The following SOD3 variants were observed in gnomAD, a reference collection of about 807,000 sequenced individuals.
SOD3 encodes the protein superoxide dismutase 3.
SOD3 carries 3 observed loss-of-function variants against 2.6 expected under a neutral mutation model. The observed-to-expected ratio is 1.13, with a 90% CI of 0.52 to 2.93. The LOEUF is 2.93. SOD3 is among the 30% of genes most tolerant of loss of function. The probability of loss-of-function intolerance (pLI) is 0.04; values close to 1 mark genes in which losing one functional copy is unlikely to be tolerated. For synonymous variants in SOD3, 188 were observed against 177.5 expected, an observed-to-expected ratio of 1.06 and a Z score of -0.47; for missense variants, 379 against 370.4, an observed-to-expected ratio of 1.02 and a Z score of -0.19.
chr4:24,796,409 C>T (rs1713659534), intron 1 of SOD3, among the ~76,000 whole-genome samples: 1 of 140,842 alleles, frequency 7.1e-6, no homozygotes, highest in East Asian at 2.1e-4. Flanking sequence ...TTCTTTCCCC[C>T]TTTTCCTCCT....
At chr4:24,798,953 G>A (rs890456591) in intron 1 of SOD3, among the ~76,000 whole-genome samples, 2 of 152,178 alleles carry the variant, frequency 1.3e-5, no homozygotes, top group Admixed American at 1.3e-4. Flanking sequence ...TGCCAGGTGT[G>A]GGCCCAGGTG....
rs143995335 is a variant in SOD3 at position 24,795,963 on chromosome 4, C to T, written c.-17+312C>T. On this transcript the variant is annotated intron_variant, in intron 1 of 1. Transcript: ENST00000382120. ...TCTAGATGTTGCATGGCTTTGGTGT[C>T]GGGAGCCACTTATGGGACAGCAGGT... is the stretch of plus-strand genomic sequence containing the variant. 2.4e-3 allele frequency among the ~76,000 whole-genome samples: 361 copies of T among 152,152 alleles called. 4 individuals are homozygous for T. The highest frequency in any genetic ancestry group is 8.4e-3 in the African/African-American group (349 of 41,522).
In SOD3 at chr4:24,800,396, C is replaced by T. The variant is rs1399450095; in HGVS notation, c.*152C>T. 5.2e-6 allele frequency: 4 copies of T among 771,362 alleles called. No individual in the cohort carries two copies. The highest frequency in any genetic ancestry group is 7.3e-6 in the Non-Finnish European group (4 of 548,004). 47.8% of individuals were successfully genotyped at this position (771,362 alleles called of 1,614,324 possible). ...CAGCCCTCTCCACCCAGAGGTCTCC[C>T]TATACCGAGACCCACCATCCTTCCA... On this transcript the variant is annotated 3_prime_UTR_variant, in exon 2 of 2. Transcript: ENST00000382120.
At chr4:24,797,875 C>T (rs147097404) in intron 1 of SOD3, among the ~76,000 whole-genome samples, 3 of 152,288 alleles carry the variant, frequency 2.0e-5, no homozygotes, top group Non-Finnish European at 4.4e-5. Flanking sequence ...GGAAATACCT[C>T]GGTGGCATGG....
At position 24,800,103 on chromosome 4, in the gene SOD3, C is replaced by A; in HGVS notation, c.582C>A (p.Ala194=). Residue 194 remains alanine (A), a synonymous_variant, in exon 2 of 2, where the codon GCC becomes GCA. Transcript: ENST00000382120. The part of the protein sequence containing the change: ...EDDLGRGGNQ[A]SVENGNAGRR... ...ACCTGGGCCGCGGCGGCAACCAGGC[C>A]AGCGTGGAGAACGGGAACGCGGGCC... The A allele has an allele frequency of 7.2e-7, 1 of 1,389,548 alleles. No individual in the cohort carries two copies. The highest frequency in any genetic ancestry group is 3.0e-5 in the East Asian group (1 of 32,888). The allele number at this position is 1,389,548 out of a possible 1,614,324, so 86.1% of individuals were successfully genotyped here. A position where few individuals can be genotyped will look rare whatever the true frequency, so the allele number is the denominator to read the frequency against.
chr4:24,796,718 G>C (rs925284713), intron 1 of SOD3, among the ~76,000 whole-genome samples: 4 of 151,166 alleles, frequency 2.6e-5, no homozygotes, highest in African/African-American at 9.7e-5. Flanking sequence ...CCTCCCAAAG[G>C]GGTGGGATTA....
At position 24,799,992 on chromosome 4, in the gene SOD3, G is replaced by A; in HGVS notation, c.471G>A (p.Trp157Ter). ...GNFAVRDGSLWRYRAGLAASL... is the reference protein window; with the variant it reads ...GNFAVRDGSL ...TCGCGGTCCGCGACGGCAGCCTCTG[G>A]AGGTACCGCGCCGGCCTGGCCGCCT... Residue 157 changes from tryptophan (W) to a stop codon, truncating the protein, a stop_gained, in exon 2 of 2, where the codon TGG (tryptophan) becomes TGA (stop). Transcript: ENST00000382120. LOFTEE classifies it high-confidence loss of function. 6.3e-7 allele frequency: 1 copy of A among 1,576,168 alleles called. No homozygotes were observed. Among genetic ancestry groups the A allele is most frequent in the Non-Finnish European group, 8.5e-7 (1 of 1,169,804 alleles).
At chr4:24,797,303 T>C (rs1163254293) in intron 1 of SOD3, among the ~76,000 whole-genome samples, 2 of 152,230 alleles carry the variant, frequency 1.3e-5, no homozygotes, top group East Asian at 3.8e-4. Flanking sequence ...ACACACACTT[T>C]CAAATCCTGC....
At position 24,800,266 on chromosome 4, in the gene SOD3, G is replaced by C; in HGVS notation, c.*22G>C. 7.3e-7 allele frequency: 1 copy of C among 1,378,236 alleles called. No individual in the cohort carries two copies. Among genetic ancestry groups the C allele is most frequent in the African/African-American group, 1.5e-5 (1 of 65,170 alleles). The allele number at this position is 1,378,236 out of a possible 1,614,324, so 85.4% of individuals were successfully genotyped here. A position where few individuals can be genotyped will look rare whatever the true frequency, so the allele number is the denominator to read the frequency against. On this transcript the variant is annotated 3_prime_UTR_variant, in exon 2 of 2. Coordinates refer to ENST00000382120, the MANE Select transcript of SOD3 (RefSeq NM_003102.4). ...CTGAGCGCGGCCCCCACCCGGCGGCGGCCAGGGACCCCCGAGGCCCCCCTC... is the reference window on the plus strand; with the variant it reads ...CTGAGCGCGGCCCCCACCCGGCGGCCGCCAGGGACCCCCGAGGCCCCCCTC...
intron 1 of SOD3, among the ~76,000 whole-genome samples, chr4:24,799,078 G>A (rs1297321661): frequency 6.6e-6 from 1 of 152,206 alleles, no homozygotes; most frequent in Non-Finnish European, 1.5e-5. Context: ...CACATGCAAA[G>A]CCCCAGAAGG....
At chr4:24,796,435 C>CTTT (rs34368349) in intron 1 of SOD3, among the ~76,000 whole-genome samples, 2,663 of 71,974 alleles carry the variant, frequency 0.037, 755 homozygotes, top group South Asian at 0.093. Flanking sequence ...TCCTTCTTCT[C>CTTT]TTTTTTTTTT....
At chr4:24,799,484 C>T (rs200878920) in intron 1 of SOD3, 22 bp from the exon 2 acceptor site, 5 of 1,592,138 alleles carry the variant, frequency 3.1e-6, no homozygotes, top group Non-Finnish European at 3.4e-6. Context: ...TCTGCCCCCA[C>T]CTCCGCGGGG....
At chr4:24,798,540 C>A (rs1713740005) in intron 1 of SOD3, among the ~76,000 whole-genome samples, 1 of 152,084 alleles carries the variant, frequency 6.6e-6, no homozygotes, top group South Asian at 2.1e-4. Context: ...CTCACTGTCT[C>A]TATTTCTGCT....
chr4:24,796,262 T>TA (rs11369906), intron 1 of SOD3, among the ~76,000 whole-genome samples: 2,061 of 152,036 alleles, frequency 0.014, 48 homozygotes, highest in African/African-American at 0.044. Context: ...AGGAGGCCCT[T>TA]AAAAAGGCAC....
At position 24,799,684 on chromosome 4, in the gene SOD3, G is replaced by C. The variant is rs757524925; in HGVS notation, c.163G>C (p.Asp55His). 2 of 1,588,850 alleles carry C rather than the reference G, an allele frequency of 1.3e-6. No individual in the cohort carries two copies. Among genetic ancestry groups the C allele is most frequent in the Admixed American group, 1.7e-5 (1 of 57,414 alleles). Residue 55 changes from aspartate (D) to histidine (H), a missense_variant, in exon 2 of 2, where the codon GAC becomes CAC. Transcript: ENST00000382120. ...IWQEVMQRRDDDGALHAACQV... is the reference protein window; with the variant it reads ...IWQEVMQRRDHDGALHAACQV... Reference sequence around the variant, plus strand: ...GCAGGAGGTCATGCAGCGGCGGGACGACGACGGCGCGCTCCACGCCGCCTG... The same window carrying C: ...GCAGGAGGTCATGCAGCGGCGGGACCACGACGGCGCGCTCCACGCCGCCTG...
chr4:24,800,042 T>C lies in SOD3; in HGVS notation c.521T>C (p.Val174Ala). 1 of 1,492,428 alleles carries C rather than the reference T, an allele frequency of 6.7e-7. No individual in the cohort carries two copies. The highest frequency in any genetic ancestry group is 8.8e-7 in the Non-Finnish European group (1 of 1,131,632). The allele number at this position is 1,492,428 out of a possible 1,614,324, so 92.4% of individuals were successfully genotyped here. ...TCGCTCGCGGGCCCGCACTCCATCG[T>C]GGGCCGGGCCGTGGTCGTCCACGCT... Reference protein sequence around the residue: ...AASLAGPHSIVGRAVVVHAGE... With the variant: ...AASLAGPHSIAGRAVVVHAGE... The change falls in exon 2 of 2, where the codon GTG (valine) becomes GCG (alanine). Residue 174 changes from valine (V) to alanine (A), a missense_variant. Val to Ala is a moderately conservative substitution (Grantham distance 64). Coordinates refer to ENST00000382120, the MANE Select transcript of SOD3 (RefSeq NM_003102.4).
intron 1 of SOD3, 27 bp from the exon 2 acceptor site, chr4:24,799,479 C>T (rs761568110): frequency 6.3e-7 from 1 of 1,590,844 alleles, no homozygotes; most frequent in South Asian, 1.1e-5. Context: ...CTCACTCTGC[C>T]CCCACCTCCG....
intron 1 of SOD3, among the ~76,000 whole-genome samples, chr4:24,798,942 T>G (rs1266385791): frequency 1.3e-5 from 2 of 152,206 alleles, no homozygotes. Context: ...ATGTTTCCTT[T>G]TGCCAGGTGT....
chr4:24,800,183 A>C lies in SOD3; in HGVS notation c.662A>C (p.Gln221Pro). 1 of 1,424,082 alleles carries C rather than the reference A, an allele frequency of 7.0e-7. No individual in the cohort carries two copies. The highest frequency in any genetic ancestry group is 9.1e-7 in the Non-Finnish European group (1 of 1,096,268). The allele number at this position is 1,424,082 out of a possible 1,614,324, so 88.2% of individuals were successfully genotyped here. ...GVCGPGLWERQAREHSERKKR... is the reference protein window; with the variant it reads ...GVCGPGLWERPAREHSERKKR... ...TGCGGGCCCGGGCTCTGGGAGCGCC[A>C]GGCGCGGGAGCACTCAGAGCGCAAG... is the stretch of plus-strand genomic sequence containing the variant. The change falls in exon 2 of 2, where the codon CAG becomes CCG. Residue 221 changes from glutamine (Q) to proline (P), a missense_variant. Physicochemically the swap from Gln to Pro is moderately conservative, Grantham distance 76. Transcript: ENST00000382120.
Sources: allele counts gnomAD v4.1 joint callset (sites outside exome capture counted in the v4.1 genomes callset), GRCh38; gene constraint gnomAD v4.1.1; transcripts MANE v1.5; gene names NCBI Gene and HGNC (gene_info 2026-07-23, HGNC 2026-07-21).